EBF1: variants seen among roughly 807,000 people sequenced by gnomAD.
EBF1 encodes transcription factor COE1.
A neutral mutation model predicts 68.4 loss-of-function variants in EBF1; 10 were observed. The observed-to-expected ratio is 0.15, with a 90% confidence interval of 0.09 to 0.25. EBF1 has a LOEUF of 0.25. Ranked by LOEUF, EBF1 falls within the 10% of genes least tolerant of loss-of-function variation. The probability of loss-of-function intolerance (pLI) is 1.00; values close to 1 mark genes in which losing one functional copy is unlikely to be tolerated. For missense variants in EBF1, 509 were observed against 794.4 expected (o/e 0.64, Z 4.32); for synonymous variants, 298 against 299.8 (o/e 0.99, Z 0.06).
intron 9 of EBF1, among the ~76,000 whole-genome samples, chr5:158,781,095 A>T (rs1019843149): frequency 6.6e-6 from 1 of 152,192 alleles, no homozygotes; most frequent in Non-Finnish European, 1.5e-5. Context: ...AGACTTGCAA[A>T]GTGTCTGATG....
At chr5:158,713,842 T>C (rs1221128870) in intron 12 of EBF1, among the ~76,000 whole-genome samples, 1 of 152,260 alleles carries the variant, frequency 6.6e-6, no homozygotes, top group Non-Finnish European at 1.5e-5. Context: ...AAAGCACCAG[T>C]AACTCTCCTC....
intron 6 of EBF1, among the ~76,000 whole-genome samples, chr5:158,966,150 G>A (rs1313640476): frequency 1.3e-5 from 2 of 152,086 alleles, no homozygotes; most frequent in Non-Finnish European, 2.9e-5. Flanking sequence ...AACACACACT[G>A]GTATTTGTGA....
At chr5:158,948,321 A>T (rs1357545366) in intron 6 of EBF1, among the ~76,000 whole-genome samples, 1 of 152,120 alleles carries the variant, frequency 6.6e-6, no homozygotes, top group Non-Finnish European at 1.5e-5. Context: ...CTAGTTTACT[A>T]CAGGATATAA....
At chr5:158,879,784 C>T (rs1275921563) in intron 6 of EBF1, among the ~76,000 whole-genome samples, 3 of 152,140 alleles carry the variant, frequency 2.0e-5, no homozygotes, top group Non-Finnish European at 4.4e-5. Flanking sequence ...CAGGAGGGCA[C>T]CCCAGCCCTG....
rs539493620 is a variant in EBF1 at position 158,872,996 on chromosome 5, ATTTTTTTTTTTTT to A, written c.555-32899_555-32887del. Reference sequence around the variant, plus strand: ...GGCTCTTCAGTCAAGAATGACACTAATTTTTTTTTTTTTTTTTTTTTTTTTTTTTACTGCTAAT... The same window carrying A: ...GGCTCTTCAGTCAAGAATGACACTAATTTTTTTTTTTTTTTTACTGCTAAT... On this transcript the variant is annotated intron_variant, in intron 6 of 15. Transcript: ENST00000313708. 1.0e-2 allele frequency among the ~76,000 whole-genome samples: 808 copies of A among 81,150 alleles called. 22 individuals are homozygous for A. The highest frequency in any genetic ancestry group is 0.038 in the African/African-American group (773 of 20,160). The allele number at this position is 81,150 out of a possible 152,430, so 53.2% of individuals were successfully genotyped here. A position where few individuals can be genotyped will look rare whatever the true frequency, so the allele number is the denominator to read the frequency against.
At chr5:158,969,281 C>A (rs948247202) in intron 6 of EBF1, among the ~76,000 whole-genome samples, 3 of 152,112 alleles carry the variant, frequency 2.0e-5, no homozygotes, top group Admixed American at 6.6e-5. Context: ...CAGCCTTGGG[C>A]AACAGAGCAA....
In EBF1 at chr5:158,696,689, TCCCTCCCCTA is replaced by T. The variant is rs1755808840; in HGVS notation, c.*2412_*2421del. 2 of 198,988 alleles carry T rather than the reference TCCCTCCCCTA, an allele frequency of 1.0e-5. No individual in the cohort carries two copies. Among genetic ancestry groups the T allele is most frequent in the East Asian group, 7.6e-5 (1 of 13,128 alleles). The allele number at this position is 198,988 out of a possible 1,614,324, so 12.3% of individuals were successfully genotyped here. A position where few individuals can be genotyped will look rare whatever the true frequency, so the allele number is the denominator to read the frequency against. The stretch of plus-strand genomic sequence containing the variant: ...TTCTCACCATGAAAAACAGCTTTCC[TCCCTCCCCTA>T]CCCTCCCACAACTCCCCTCCCCCAC... On this transcript the variant is annotated 3_prime_UTR_variant, in exon 16 of 16. Coordinates refer to ENST00000313708, the MANE Select transcript of EBF1 (RefSeq NM_024007.5).
chr5:158,913,625 AT>A (rs1330693909), intron 6 of EBF1, among the ~76,000 whole-genome samples: 12 of 152,160 alleles, frequency 7.9e-5, no homozygotes, highest in African/African-American at 2.4e-4. Flanking sequence ...TGATTTATGT[AT>A]TGCTTGGGAG....
At position 158,924,623 on chromosome 5, in the gene EBF1, C is replaced by T. The variant is rs575607541; in HGVS notation, c.555-84513G>A. Among the ~76,000 whole-genome samples the T allele has an allele frequency of 1.9e-3, 288 of 151,612 alleles. 1 individual carries two copies. The highest frequency in any genetic ancestry group is 6.7e-3 in the African/African-American group (275 of 41,284). On this transcript the variant is annotated intron_variant, in intron 6 of 15. Transcript: ENST00000313708. ...ATCCCAGCAGTTTGGAAGGCCGAGG[C>T]GGGCGGATCACGAGGTCACGAGATC... is the stretch of plus-strand genomic sequence containing the variant.
intron 6 of EBF1, among the ~76,000 whole-genome samples, chr5:159,000,896 G>T (rs1285220714): frequency 6.6e-6 from 1 of 152,146 alleles, no homozygotes; most frequent in African/African-American, 2.4e-5. Flanking sequence ...CATTGATATT[G>T]TTTCAGGTAT....
intron 10 of EBF1, among the ~76,000 whole-genome samples, chr5:158,734,163 C>T (rs1764693569): frequency 6.6e-6 from 1 of 152,060 alleles, no homozygotes. Flanking sequence ...GAAAATATGT[C>T]TGTGTATAAA....
chr5:158,909,973 A>T (rs907386693), intron 6 of EBF1, among the ~76,000 whole-genome samples: 1 of 150,502 alleles, frequency 6.6e-6, no homozygotes, highest in African/African-American at 2.4e-5. Context: ...AAAAAAAAAA[A>T]AAAAAAAAAA....
chr5:158,814,330 G>A (rs1250762613), intron 8 of EBF1, among the ~76,000 whole-genome samples: 1 of 152,132 alleles, frequency 6.6e-6, no homozygotes, highest in Non-Finnish European at 1.5e-5. Context: ...GGGCAACAGA[G>A]CAAGGCCCTG....
chr5:158,842,554 C>A (rs1256973690), intron 6 of EBF1, among the ~76,000 whole-genome samples: 1 of 152,184 alleles, frequency 6.6e-6, no homozygotes, highest in Admixed American at 6.5e-5. Flanking sequence ...ACCTGTGTGA[C>A]TTTGGATAAG....
chr5:158,858,513 T>A (rs575044142), intron 6 of EBF1, among the ~76,000 whole-genome samples: 1 of 152,156 alleles, frequency 6.6e-6, no homozygotes, highest in African/African-American at 2.4e-5. Flanking sequence ...AAGTATAAAG[T>A]AAAGAAACCA....
intron 6 of EBF1, among the ~76,000 whole-genome samples, chr5:158,876,855 C>T (rs1257350558): frequency 6.6e-6 from 1 of 152,164 alleles, no homozygotes; most frequent in Non-Finnish European, 1.5e-5. Context: ...TTCTTCTGCT[C>T]ATGCCCAGCT....
chr5:158,971,492 T>C (rs1475762058), intron 6 of EBF1, among the ~76,000 whole-genome samples: 1 of 152,192 alleles, frequency 6.6e-6, no homozygotes, highest in African/African-American at 2.4e-5. Flanking sequence ...GACTGCCTTC[T>C]TGGAGTCGTG....
At chr5:158,744,000 G>T (rs11745230) in intron 10 of EBF1, among the ~76,000 whole-genome samples, 34,890 of 151,806 alleles carry the variant, frequency 0.23, 4,931 homozygotes, top group African/African-American at 0.39. Context: ...GTGAAACTCC[G>T]TCTCTACTAA....
chr5:158,767,290 A>G (rs1449746102), intron 10 of EBF1, among the ~76,000 whole-genome samples: 1 of 152,174 alleles, frequency 6.6e-6, no homozygotes, highest in Non-Finnish European at 1.5e-5. Flanking sequence ...AATCTTCCAT[A>G]TAAGTATGCA....
Sources: allele counts gnomAD v4.1 joint callset (sites outside exome capture counted in the v4.1 genomes callset), GRCh38; gene constraint gnomAD v4.1.1; transcripts MANE v1.5; gene names NCBI Gene and HGNC (gene_info 2026-07-23, HGNC 2026-07-21).